Variants in JPH3 observed in about 807,000 individuals in gnomAD.
JPH3 encodes the protein junctophilin-3.
In JPH3, 11 loss-of-function variants were observed where a neutral mutation model predicts 59.6. That is an observed-to-expected ratio of 0.18 (90% confidence interval 0.12 to 0.31). The LOEUF (loss-of-function observed/expected upper bound fraction) is 0.31. Ranked by LOEUF, JPH3 falls within the 10% of genes least tolerant of loss-of-function variation. The probability of loss-of-function intolerance (pLI) is 1.00; values close to 1 mark genes in which losing one functional copy is unlikely to be tolerated. For synonymous variants in JPH3, 673 were observed against 483.6 expected, an observed-to-expected ratio of 1.39 and a Z score of -5.14; for missense variants, 1,202 against 1,105.7, an observed-to-expected ratio of 1.09 and a Z score of -1.24.
At chr16:87,670,629 G>T (rs779581826) in intron 2 of JPH3, among the ~76,000 whole-genome samples, 1 of 152,256 alleles carries the variant, frequency 6.6e-6, no homozygotes, top group Non-Finnish European at 1.5e-5. Flanking sequence ...CCCACTGGGT[G>T]CCACACACTG....
intron 2 of JPH3, among the ~76,000 whole-genome samples, chr16:87,661,115 C>A (rs888286541): frequency 4.6e-5 from 7 of 152,192 alleles, no homozygotes; most frequent in Non-Finnish European, 2.9e-5. Context: ...TTGCCTTTCC[C>A]AGCTTCCAGA....
chr16:87,649,022 C>T (rs774611121), intron 2 of JPH3, among the ~76,000 whole-genome samples: 52 of 152,198 alleles, frequency 3.4e-4, no homozygotes, highest in Admixed American at 5.2e-4. Flanking sequence ...AGCCACAACA[C>T]GGGTCGGAGG....
Position 87,616,824 on chromosome 16 carries a change from C to T in JPH3, c.382+13296C>T, listed in dbSNP as rs540694368. On this transcript the variant is annotated intron_variant, in intron 1 of 4. Coordinates refer to ENST00000284262, the MANE Select transcript of JPH3 (RefSeq NM_020655.4). ...CTGTTCTCCATTCCTTCAGTTTCGT[C>T]GTTTCCAAAATGCTCTGTAAACGGA... is the stretch of plus-strand genomic sequence containing the variant. Among the ~76,000 whole-genome samples the T allele has an allele frequency of 1.3e-4, 20 of 152,336 alleles. No homozygotes were observed. In the South Asian group the frequency reaches 2.7e-3, roughly 21 times the overall value.
Position 87,697,148 on chromosome 16 carries a change from G to C in JPH3, c.*488G>C, listed in dbSNP as rs1204316447. The C allele has an allele frequency of 1.0e-5, 2 of 196,828 alleles. No individual in the cohort carries two copies. Among genetic ancestry groups the C allele is most frequent in the East Asian group, 1.2e-4 (1 of 8,290 alleles). 12.2% of individuals were successfully genotyped at this position (196,828 alleles called of 1,614,324 possible). On this transcript the variant is annotated 3_prime_UTR_variant, in exon 5 of 5. Transcript: ENST00000284262. ...AGACGGGTGACAAGTATGGGCAGGA[G>C]GCATGGGGCAGGGTGGCCCACCCCA...
chr16:87,677,431 C>G (rs1233911758), intron 2 of JPH3, among the ~76,000 whole-genome samples: 1 of 152,118 alleles, frequency 6.6e-6, no homozygotes, highest in Non-Finnish European at 1.5e-5. Flanking sequence ...CTAAAAAAAA[C>G]TCGCCCACCA....
At chr16:87,617,569 G>A (rs2031017797) in intron 1 of JPH3, among the ~76,000 whole-genome samples, 1 of 150,398 alleles carries the variant, frequency 6.6e-6, no homozygotes, top group African/African-American at 2.4e-5. Flanking sequence ...TGGGAGGGAT[G>A]CCACCTCTAG....
intron 1 of JPH3, among the ~76,000 whole-genome samples, chr16:87,636,896 C>G (rs1335770316): frequency 6.6e-6 from 1 of 152,238 alleles, no homozygotes; most frequent in African/African-American, 2.4e-5. Flanking sequence ...TGTGACTGAC[C>G]TTCCCCGGCC....
chr16:87,659,882 C>T (rs2030123246), intron 2 of JPH3, among the ~76,000 whole-genome samples: 1 of 152,216 alleles, frequency 6.6e-6, no homozygotes, highest in African/African-American at 2.4e-5. Context: ...ACTCCCCCTC[C>T]CAGGTTCCCT....
Position 87,611,662 on chromosome 16 carries a change from C to G in JPH3, c.382+8134C>G, listed in dbSNP as rs1567581069. Among the ~76,000 whole-genome samples the G allele has an allele frequency of 6.6e-6, 1 of 152,064 alleles. No individual in the cohort carries two copies. The highest frequency in any genetic ancestry group is 6.5e-5 in the Admixed American group (1 of 15,276). ...CTCTGTCTGCTGCTCTATGCCAGTG[C>G]TTCCCAAGCCTGAGTGTTACAAGAA... On this transcript the variant is annotated intron_variant, in intron 1 of 4. Coordinates refer to ENST00000284262, the MANE Select transcript of JPH3 (RefSeq NM_020655.4). The surrounding 1 kb of genome is among the most constrained non-coding windows in gnomAD (Gnocchi z 4.5).
intron 2 of JPH3, among the ~76,000 whole-genome samples, chr16:87,676,680 G>C (rs2033148473): frequency 6.6e-6 from 1 of 151,856 alleles, no homozygotes; most frequent in Non-Finnish European, 1.5e-5. Context: ...CTCGCAGTGA[G>C]CTGAGATCAC....
chr16:87,650,386 C>T (rs2032292598), intron 2 of JPH3, among the ~76,000 whole-genome samples: 1 of 152,204 alleles, frequency 6.6e-6, no homozygotes, highest in Admixed American at 6.5e-5. Flanking sequence ...CCTCTCTCTC[C>T]TCTGGTCTCC....
At chr16:87,662,930 T>G (rs2150860798) in intron 2 of JPH3, among the ~76,000 whole-genome samples, 1 of 152,300 alleles carries the variant, frequency 6.6e-6, no homozygotes, top group African/African-American at 2.4e-5. Flanking sequence ...CCAGCACCCC[T>G]TCGGGGCTGC....
intron 2 of JPH3, among the ~76,000 whole-genome samples, chr16:87,669,013 T>C (rs773818810): frequency 7.2e-5 from 11 of 152,234 alleles, no homozygotes; most frequent in Middle Eastern, 6.8e-3. Flanking sequence ...GCGAGGCCTG[T>C]GGTAGCCCTG....
intron 1 of JPH3, 120 bp from the exon 2 acceptor site, chr16:87,644,138 A>C (rs1030586452): frequency 2.6e-6 from 3 of 1,140,204 alleles, no homozygotes; most frequent in Non-Finnish European, 2.5e-6. Context: ...AACCTGTCTC[A>C]AAAAACACAA....
At chr16:87,669,375 C>T in intron 2 of JPH3, among the ~76,000 whole-genome samples, 1 of 152,296 alleles carries the variant, frequency 6.6e-6, no homozygotes, top group Middle Eastern at 3.4e-3. Flanking sequence ...GGAGACTTGG[C>T]CATCTTTAGG....
At chr16:87,678,101 A>C (rs991815949) in intron 2 of JPH3, among the ~76,000 whole-genome samples, 1 of 152,022 alleles carries the variant, frequency 6.6e-6, no homozygotes, top group African/African-American at 2.4e-5. Context: ...AAATAAACAA[A>C]ATTAGCCAGG....
rs186512994 is a variant in JPH3 at position 87,640,530 on chromosome 16, A to G, written c.383-3728A>G. 2.1e-3 allele frequency among the ~76,000 whole-genome samples: 320 copies of G among 151,750 alleles called. 1 individual carries two copies. The highest frequency in any genetic ancestry group is 6.5e-3 in the African/African-American group (269 of 41,406). On this transcript the variant is annotated intron_variant, in intron 1 of 4. Transcript: ENST00000284262. ...CTCAGCCTCTTGAGTACCTGGGATT[A>G]CAGGCACCCATCACCATGCCTAGCT...
intron 2 of JPH3, among the ~76,000 whole-genome samples, chr16:87,668,168 C>T (rs2032922478): frequency 6.6e-6 from 1 of 152,240 alleles, no homozygotes; most frequent in South Asian, 2.1e-4. Context: ...CTCCCTGCCC[C>T]TCCAGCCGCT....
At position 87,690,412 on chromosome 16, in the gene JPH3, C is replaced by T; in HGVS notation, c.2052C>T (p.Gly684=). 5 of 1,502,114 alleles carry T rather than the reference C, an allele frequency of 3.3e-6. No individual in the cohort carries two copies. The highest frequency in any genetic ancestry group is 3.5e-6 in the Non-Finnish European group (4 of 1,127,938). 93.0% of individuals were successfully genotyped at this position (1,502,114 alleles called of 1,614,324 possible). A position where few individuals can be genotyped will look rare whatever the true frequency, so the allele number is the denominator to read the frequency against. Residue 684 remains glycine (G), a synonymous_variant, in exon 4 of 5, where the codon GGC becomes GGT. Coordinates refer to ENST00000284262, the MANE Select transcript of JPH3 (RefSeq NM_020655.4). ...AVQKLASLRL[G]GAEPRLLRWD... is the part of the protein sequence containing the mutation. Reference sequence around the variant, plus strand: ...AGAAACTGGCGAGCCTGCGGCTGGGCGGGGCCGAGCCCCGGTTGCTGCGTT... The same window carrying T: ...AGAAACTGGCGAGCCTGCGGCTGGGTGGGGCCGAGCCCCGGTTGCTGCGTT...
Sources: gnomAD v4.1 joint callset for allele counts (sites outside exome capture counted in the v4.1 genomes callset) on GRCh38, gnomAD v4.1.1 for gene constraint, Gnocchi (gnomAD v3.1) non-coding constraint, MANE v1.5 for transcripts, NCBI Gene and HGNC (gene_info 2026-07-23, HGNC 2026-07-21) for gene names.